The following SPOP variants were observed in gnomAD, a reference collection of about 807,000 sequenced individuals.
SPOP encodes speckle type BTB/POZ protein, also known as speckle-type POZ protein.
Under a neutral mutation model 45.6 loss-of-function variants are expected in SPOP, and 11 were observed. The observed-to-expected ratio is 0.24, with a 90% confidence interval of 0.15 to 0.40. SPOP has a LOEUF of 0.40. Ranked by LOEUF, SPOP falls within the 10% of genes least tolerant of loss-of-function variation. The pLI, the probability that SPOP is intolerant of heterozygous loss-of-function variation, is 1.00. For missense variants in SPOP, 152 were observed against 465.6 expected (o/e 0.33, Z 6.20); for synonymous variants, 166 against 166.3 (o/e 1.00, Z 0.01).
intron 1 of SPOP, among the ~76,000 whole-genome samples, chr17:49,648,858 T>C (rs1339024056): frequency 2.6e-5 from 4 of 152,144 alleles, no homozygotes; most frequent in South Asian, 2.1e-4. Context: ...CCCGGGTTCA[T>C]GCCATTCTCC....
chr17:49,619,178 T>G lies in SPOP; in HGVS notation c.352+56A>C, dbSNP rs2072160671. On this transcript the variant is annotated intron_variant, in intron 4 of 9. Coordinates refer to ENST00000504102, the MANE Select transcript of SPOP (RefSeq NM_001007228.2). The surrounding 1 kb of genome is among the most constrained non-coding windows in gnomAD (Gnocchi z 4.9). Reference sequence around the variant, plus strand: ...CCAGATCAAAGCCACAACTTGTCAGTGTATGAAACTTCTGGATGTGAAACT... The same window carrying G: ...CCAGATCAAAGCCACAACTTGTCAGGGTATGAAACTTCTGGATGTGAAACT... 8.1e-6 allele frequency: 13 copies of G among 1,613,788 alleles called. No homozygotes were observed. In the South Asian group the frequency reaches 1.4e-4, roughly 18 times the overall value.
intron 5 of SPOP, 67 bp from the exon 6 acceptor site, chr17:49,611,524 G>A (rs538976374): frequency 2.5e-5 from 20 of 790,962 alleles, no homozygotes; most frequent in East Asian, 7.2e-5. Context: ...GCAGATAGAC[G>A]ACTTTTACCT....
In SPOP at chr17:49,619,537, TTC is replaced by T; in HGVS notation, c.201-154_201-153del. On this transcript the variant is annotated intron_variant, in intron 3 of 9. Transcript: ENST00000504102. This position sits in a 1 kb window ranked among gnomAD's most constrained non-coding sequence, Gnocchi z 4.9. The stretch of plus-strand genomic sequence containing the variant: ...GAATGACTAGTTGGGAACAACTTTT[TTC>T]TCTTTTTTTTTGAGACATGGTCTTA... 1.1e-6 allele frequency: 1 copy of T among 917,056 alleles called. No individual in the cohort carries two copies. Among genetic ancestry groups the T allele is most frequent in the East Asian group, 2.6e-5 (1 of 37,776 alleles). The allele number at this position is 917,056 out of a possible 1,614,324, so 56.8% of individuals were successfully genotyped here.
At position 49,599,017 on chromosome 17, in the gene SPOP, T is replaced by C. The variant is rs531874228; in HGVS notation, c.*1361A>G. The stretch of plus-strand genomic sequence containing the variant: ...GGGCAGTTTAAAAGCCCACTACCAT[T>C]ACTTGCCTTGGCAGAGGTAGGGGCC... On this transcript the variant is annotated 3_prime_UTR_variant, in exon 10 of 10. Coordinates refer to ENST00000504102, the MANE Select transcript of SPOP (RefSeq NM_001007228.2). 1 of 203,932 alleles carries C rather than the reference T, an allele frequency of 4.9e-6. No individual in the cohort carries two copies. Among genetic ancestry groups the C allele is most frequent in the Admixed American group, 6.0e-5 (1 of 16,738 alleles). The allele number at this position is 203,932 out of a possible 1,614,324, so 12.6% of individuals were successfully genotyped here.
chr17:49,662,389 T>C (rs7216142), intron 1 of SPOP, among the ~76,000 whole-genome samples: 1 of 152,020 alleles, frequency 6.6e-6, no homozygotes, highest in African/African-American at 2.4e-5. Flanking sequence ...TGTTAGAAAA[T>C]GGTAATTCCA....
At chr17:49,648,330 G>A (rs1463491834) in intron 1 of SPOP, among the ~76,000 whole-genome samples, 1 of 152,122 alleles carries the variant, frequency 6.6e-6, no homozygotes, top group East Asian at 1.9e-4. Context: ...TATAAGAGCT[G>A]GCCCATTATA....
chr17:49,611,153 A>G, intron 6 of SPOP, 127 bp downstream of exon 6: 1 of 1,007,556 alleles, frequency 9.9e-7, no homozygotes. Flanking sequence ...ATACAAAGAT[A>G]TATTTAGCTG....
chr17:49,632,538 G>C, intron 1 of SPOP, among the ~76,000 whole-genome samples: 2 of 151,582 alleles, frequency 1.3e-5, no homozygotes, highest in South Asian at 4.2e-4. Context: ...TGTTGCCCAG[G>C]CTGGAGTGCA....
intron 1 of SPOP, among the ~76,000 whole-genome samples, chr17:49,654,553 G>A (rs2072882800): frequency 3.9e-5 from 6 of 151,996 alleles, no homozygotes; most frequent in Admixed American, 3.9e-4. Flanking sequence ...GTGAGGCCGA[G>A]GCCAGCGGAT....
intron 1 of SPOP, among the ~76,000 whole-genome samples, chr17:49,677,504 G>A (rs2073215014): frequency 6.6e-6 from 1 of 152,236 alleles, no homozygotes; most frequent in Admixed American, 6.5e-5. Context: ...AGCCTGGGAA[G>A]AAGGCGGACT....
chr17:49,668,712 CATAT>C (rs1199854472), intron 1 of SPOP, among the ~76,000 whole-genome samples: 1 of 151,014 alleles, frequency 6.6e-6, no homozygotes, highest in African/African-American at 2.4e-5. Context: ...TTAAGATATA[CATAT>C]ATACACACAT....
intron 1 of SPOP, among the ~76,000 whole-genome samples, chr17:49,635,909 T>C (rs780365218): frequency 6.6e-6 from 1 of 151,874 alleles, no homozygotes; most frequent in Non-Finnish European, 1.5e-5. Flanking sequence ...GCTGGGATTA[T>C]AGGTGTGAGC....
intron 1 of SPOP, among the ~76,000 whole-genome samples, chr17:49,639,443 A>G (rs2072605605): frequency 6.6e-6 from 1 of 152,200 alleles, no homozygotes; most frequent in Non-Finnish European, 1.5e-5. Context: ...TCACAGCAGC[A>G]TTGTTCATTA....
chr17:49,616,525 G>A (rs920769255), intron 5 of SPOP, among the ~76,000 whole-genome samples: 5 of 152,132 alleles, frequency 3.3e-5, no homozygotes, highest in African/African-American at 1.2e-4. Context: ...ACTGATAGAA[G>A]GGAAACAACA....
chr17:49,600,756 C>T lies in SPOP; in HGVS notation c.981-234G>A. On this transcript the variant is annotated intron_variant, in intron 9 of 9. Coordinates refer to ENST00000504102, the MANE Select transcript of SPOP (RefSeq NM_001007228.2). The surrounding 1 kb of genome is among the most constrained non-coding windows in gnomAD (Gnocchi z 4.2). ...CTTTGAGCCACTATATTCTCAAAAA[C>T]AAAAAGCAGAATGTTCCCCAGGCCC... The T allele has an allele frequency of 2.0e-6, 1 of 511,132 alleles. No homozygotes were observed. The highest frequency in any genetic ancestry group is 3.5e-6 in the Non-Finnish European group (1 of 282,928). 31.7% of individuals were successfully genotyped at this position (511,132 alleles called of 1,614,324 possible).
intron 1 of SPOP, among the ~76,000 whole-genome samples, chr17:49,644,373 T>C (rs1420934528): frequency 6.6e-6 from 1 of 152,166 alleles, no homozygotes; most frequent in South Asian, 2.1e-4. Flanking sequence ...ATAATGACTA[T>C]AAATACCAAA....
At chr17:49,610,125 AGTT>A (rs1374154182) in intron 6 of SPOP, among the ~76,000 whole-genome samples, 1 of 152,042 alleles carries the variant, frequency 6.6e-6, no homozygotes, top group Non-Finnish European at 1.5e-5. Context: ...TAAGAAAGGG[AGTT>A]GCCTAAACAT....
intron 1 of SPOP, among the ~76,000 whole-genome samples, chr17:49,659,279 C>A (rs1320445889): frequency 3.9e-5 from 6 of 152,184 alleles, no homozygotes; most frequent in Non-Finnish European, 8.8e-5. Flanking sequence ...ATCTACTCTT[C>A]CAAAACTCAG....
At chr17:49,630,151 C>G (rs2072422922) in intron 1 of SPOP, among the ~76,000 whole-genome samples, 1 of 152,038 alleles carries the variant, frequency 6.6e-6, no homozygotes, top group African/African-American at 2.4e-5. Flanking sequence ...TTGCGTTTTC[C>G]AAAACAGAAG....
Sources: gnomAD v4.1 joint callset for allele counts (sites outside exome capture counted in the v4.1 genomes callset) on GRCh38, gnomAD v4.1.1 for gene constraint, Gnocchi (gnomAD v3.1) non-coding constraint, MANE v1.5 for transcripts, NCBI Gene and HGNC (gene_info 2026-07-23, HGNC 2026-07-21) for gene names.